Variants in ARHGAP25 observed in about 807,000 individuals in gnomAD.
The protein encoded by ARHGAP25 is rho GTPase-activating protein 25.
Under a neutral mutation model 71.0 loss-of-function variants are expected in ARHGAP25, and 34 were observed. That is an observed-to-expected ratio of 0.48 (90% CI 0.36 to 0.64). ARHGAP25 has a LOEUF of 0.64. Among genes scored for constraint, ARHGAP25 ranks in the 30% least tolerant of loss-of-function variants. ARHGAP25 has a pLI of 0.00. For synonymous variants in ARHGAP25, 282 were observed against 296.5 expected, an observed-to-expected ratio of 0.95 and a Z score of 0.50; for missense variants, 706 against 805.1, an observed-to-expected ratio of 0.88 and a Z score of 1.49.
At chr2:68,822,270 T>C in intron 9 of ARHGAP25, 70 bp from the exon 10 acceptor site, 2 of 1,485,368 alleles carry the variant, frequency 1.3e-6, no homozygotes, top group Non-Finnish European at 1.8e-6. Flanking sequence ...GGGTCTCTAA[T>C]CCATACCTTG....
chr2:68,762,862 C>T (rs901000354), intron 1 of ARHGAP25, among the ~76,000 whole-genome samples: 5 of 152,072 alleles, frequency 3.3e-5, no homozygotes, highest in Non-Finnish European at 5.9e-5. Context: ...CAAAATAAGT[C>T]CTGACATTTT....
chr2:68,801,441 T>C (rs966675140), intron 4 of ARHGAP25, among the ~76,000 whole-genome samples: 2 of 152,140 alleles, frequency 1.3e-5, no homozygotes, highest in African/African-American at 4.8e-5. Context: ...CATGAGAAAG[T>C]GTCCCAAGAA....
chr2:68,743,453 A>C (rs1036982506), intron 1 of ARHGAP25, among the ~76,000 whole-genome samples: 1 of 152,180 alleles, frequency 6.6e-6, no homozygotes, highest in Non-Finnish European at 1.5e-5. Context: ...AGGACCTTCA[A>C]AATGAGGCTC....
intron 1 of ARHGAP25, among the ~76,000 whole-genome samples, chr2:68,745,425 T>A (rs1675756660): frequency 6.6e-6 from 1 of 152,224 alleles, no homozygotes; most frequent in Non-Finnish European, 1.5e-5. Context: ...TTTTTCACTA[T>A]CAGTCACCCC....
chr2:68,747,008 C>CAAA (rs70954322), intron 1 of ARHGAP25, among the ~76,000 whole-genome samples: 15 of 84,006 alleles, frequency 1.8e-4, no homozygotes, highest in African/African-American at 6.9e-4. Flanking sequence ...AACTCCATCT[C>CAAA]AAAAAAAAAA....
At chr2:68,778,983 G>C (rs920469864) in intron 2 of ARHGAP25, among the ~76,000 whole-genome samples, 1 of 152,174 alleles carries the variant, frequency 6.6e-6, no homozygotes, top group African/African-American at 2.4e-5. Context: ...AACCATTCTA[G>C]AGAGTTGTTT....
chr2:68,781,371 C>G (rs112829767), intron 2 of ARHGAP25, among the ~76,000 whole-genome samples: 5,645 of 151,436 alleles, frequency 0.037, 142 homozygotes, highest in Admixed American at 0.071. Flanking sequence ...GCCTGGGCAA[C>G]AGAGCGAGAC....
In ARHGAP25 at chr2:68,749,880, A is replaced by T. The variant is rs575978492; in HGVS notation, c.61+14620A>T. ...ACAGCACAATGGCAACACATTCCCAAAATGTTTGCAATTTTGTTACTTTAT... is the reference window on the plus strand; with the variant it reads ...ACAGCACAATGGCAACACATTCCCATAATGTTTGCAATTTTGTTACTTTAT... On this transcript the variant is annotated intron_variant, in intron 1 of 10. Coordinates refer to ENST00000409202, the MANE Select transcript of ARHGAP25 (RefSeq NM_001007231.3). Among the ~76,000 whole-genome samples the T allele has an allele frequency of 1.9e-4, 29 of 152,340 alleles. No homozygotes were observed. The South Asian group carries it at 5.8e-3, about 30-fold the overall frequency.
chr2:68,800,862 A>C (rs568161654), intron 4 of ARHGAP25, among the ~76,000 whole-genome samples: 1 of 152,098 alleles, frequency 6.6e-6, no homozygotes, highest in Non-Finnish European at 1.5e-5. Context: ...TATAATTATC[A>C]TATTACATAT....
At chr2:68,754,876 G>T (rs1336653975) in intron 1 of ARHGAP25, among the ~76,000 whole-genome samples, 1 of 152,134 alleles carries the variant, frequency 6.6e-6, no homozygotes, top group African/African-American at 2.4e-5. Flanking sequence ...TAAAGTCTCA[G>T]ATCAAAATTT....
At chr2:68,824,541 G>T (rs1056873984) in intron 10 of ARHGAP25, among the ~76,000 whole-genome samples, 1 of 152,206 alleles carries the variant, frequency 6.6e-6, no homozygotes, top group Non-Finnish European at 1.5e-5. Flanking sequence ...AGGAGATCGA[G>T]ACCATCCTGG....
chr2:68,797,293 A>T (rs1193753305), intron 4 of ARHGAP25, among the ~76,000 whole-genome samples: 1 of 152,130 alleles, frequency 6.6e-6, no homozygotes, highest in Non-Finnish European at 1.5e-5. Flanking sequence ...AAGTCTTAGG[A>T]TAGGGAGGAT....
At chr2:68,722,634 A>G (rs1674791170) in intron 2 of ARHGAP25, among the ~76,000 whole-genome samples, 1 of 151,792 alleles carries the variant, frequency 6.6e-6, no homozygotes, top group Non-Finnish European at 1.5e-5. Flanking sequence ...TGCTTTTTAT[A>G]TATAAGAAGT....
At chr2:68,768,504 T>A (rs1677272062) in intron 1 of ARHGAP25, among the ~76,000 whole-genome samples, 1 of 152,238 alleles carries the variant, frequency 6.6e-6, no homozygotes, top group Non-Finnish European at 1.5e-5. Flanking sequence ...CTAGGAAGTG[T>A]GGAGCTTTAC....
intron 1 of ARHGAP25, among the ~76,000 whole-genome samples, chr2:68,743,129 C>T (rs1452909038): frequency 6.6e-6 from 1 of 152,196 alleles, no homozygotes; most frequent in Non-Finnish European, 1.5e-5. Flanking sequence ...GTTCCTCAAA[C>T]TTTCCTTGCT....
At chr2:68,805,292 C>T (rs1680281851) in intron 4 of ARHGAP25, among the ~76,000 whole-genome samples, 1 of 152,054 alleles carries the variant, frequency 6.6e-6, no homozygotes, top group Admixed American at 6.6e-5. Flanking sequence ...TTGAGGAATG[C>T]CAGCCTTGAT....
At chr2:68,784,208 A>C (rs11680403) in intron 3 of ARHGAP25, among the ~76,000 whole-genome samples, 48,573 of 151,640 alleles carry the variant, frequency 0.32, 8,332 homozygotes, top group Middle Eastern at 0.4. Flanking sequence ...ACACACACAC[A>C]CCACATCTCA....
At chr2:68,800,706 A>C (rs181636930) in intron 4 of ARHGAP25, among the ~76,000 whole-genome samples, 178 of 152,298 alleles carry the variant, frequency 1.2e-3, no homozygotes, top group African/African-American at 4.1e-3. Context: ...TCCTGACTCA[A>C]ATCTCAGTTT....
chr2:68,744,673 T>C (rs555329543), intron 1 of ARHGAP25, among the ~76,000 whole-genome samples: 1 of 152,220 alleles, frequency 6.6e-6, no homozygotes, highest in Non-Finnish European at 1.5e-5. Flanking sequence ...AGTTTTTACA[T>C]GTTCATTCAA....
Sources: gnomAD v4.1 joint callset for allele counts (sites outside exome capture counted in the v4.1 genomes callset) on GRCh38, gnomAD v4.1.1 for gene constraint, MANE v1.5 for transcripts, NCBI Gene and HGNC (gene_info 2026-07-23, HGNC 2026-07-21) for gene names.